Variants in TSPAN5 observed in about 807,000 individuals in gnomAD.
TSPAN5 encodes the protein tetraspanin 5, also known as tetraspanin-5.
A neutral mutation model predicts 37.1 loss-of-function variants in TSPAN5; 10 were observed. The ratio of observed to expected loss-of-function variants is 0.27; its 90% confidence interval spans 0.17 to 0.46. The LOEUF (loss-of-function observed/expected upper bound fraction) is 0.46. Among genes scored for constraint, TSPAN5 ranks in the 20% least tolerant of loss-of-function variants. TSPAN5 has a pLI of 1.00. For synonymous variants in TSPAN5, 110 were observed against 118.9 expected, an observed-to-expected ratio of 0.93 and a Z score of 0.48; for missense variants, 195 against 326.6, an observed-to-expected ratio of 0.60 and a Z score of 3.11.
At chr4:98,609,647 T>G (rs996039472) in intron 1 of TSPAN5, among the ~76,000 whole-genome samples, 3 of 152,148 alleles carry the variant, frequency 2.0e-5, no homozygotes, top group African/African-American at 7.2e-5. Flanking sequence ...TCCTTTGCAA[T>G]GTATTGAAGG....
chr4:98,590,824 GCTCA>G (rs1755615684), intron 1 of TSPAN5, among the ~76,000 whole-genome samples: 1 of 152,090 alleles, frequency 6.6e-6, no homozygotes, highest in African/African-American at 2.4e-5. Flanking sequence ...TCTATTATCA[GCTCA>G]CTAAGACCCC....
chr4:98,521,216 C>T (rs781184458), intron 1 of TSPAN5, among the ~76,000 whole-genome samples: 56 of 152,190 alleles, frequency 3.7e-4, no homozygotes, highest in Non-Finnish European at 7.8e-4. Context: ...AGGTGTGAGC[C>T]ACCTTATCAG....
At chr4:98,559,106 C>T (rs112475692) in intron 1 of TSPAN5, among the ~76,000 whole-genome samples, 75 of 150,478 alleles carry the variant, frequency 5.0e-4, no homozygotes, top group African/African-American at 1.7e-3. Context: ...AGTAAAACAC[C>T]GTGGGAAACA....
chr4:98,647,065 C>A (rs1008656272), intron 1 of TSPAN5, among the ~76,000 whole-genome samples: 3 of 152,170 alleles, frequency 2.0e-5, no homozygotes, highest in African/African-American at 7.2e-5. Flanking sequence ...TCCAGACACA[C>A]TCAAAGTCTA....
intron 1 of TSPAN5, among the ~76,000 whole-genome samples, chr4:98,581,615 T>C (rs1359487839): frequency 6.6e-6 from 1 of 152,228 alleles, no homozygotes; most frequent in Non-Finnish European, 1.5e-5. Context: ...CAAAACGGAT[T>C]AACTTTTTAT....
chr4:98,637,345 T>C (rs1756878669), intron 1 of TSPAN5, among the ~76,000 whole-genome samples: 1 of 152,170 alleles, frequency 6.6e-6, no homozygotes, highest in African/African-American at 2.4e-5. Flanking sequence ...CCACAGATAC[T>C]TCCCCATTAA....
intron 1 of TSPAN5, among the ~76,000 whole-genome samples, chr4:98,599,321 C>A (rs1755829064): frequency 6.6e-6 from 1 of 152,008 alleles, no homozygotes; most frequent in Non-Finnish European, 1.5e-5. Context: ...CATTTTTAAA[C>A]TGGTCTTTTC....
intron 2 of TSPAN5, among the ~76,000 whole-genome samples, chr4:98,495,002 A>C (rs1455745965): frequency 6.6e-6 from 1 of 152,214 alleles, no homozygotes; most frequent in Non-Finnish European, 1.5e-5. Context: ...GGTGCAGCAG[A>C]GAAGAAAGCA....
At chr4:98,549,466 G>A (rs1468410668) in intron 1 of TSPAN5, among the ~76,000 whole-genome samples, 1 of 151,638 alleles carries the variant, frequency 6.6e-6, no homozygotes, top group Non-Finnish European at 1.5e-5. Flanking sequence ...CCCAGCTAGT[G>A]TTTTTTGTAT....
At chr4:98,599,018 T>C (rs963049999) in intron 1 of TSPAN5, among the ~76,000 whole-genome samples, 4 of 152,144 alleles carry the variant, frequency 2.6e-5, no homozygotes, top group East Asian at 1.9e-4. Context: ...CTCCAAGAGC[T>C]TTCTGAAAAT....
chr4:98,642,592 T>C (rs1454535060), intron 1 of TSPAN5, among the ~76,000 whole-genome samples: 2 of 152,142 alleles, frequency 1.3e-5, no homozygotes, highest in Admixed American at 6.5e-5. Flanking sequence ...AGGTAGTTTC[T>C]CTTTTTTTTT....
intron 1 of TSPAN5, among the ~76,000 whole-genome samples, chr4:98,648,977 G>A (rs1364689329): frequency 1.3e-5 from 2 of 152,174 alleles, no homozygotes; most frequent in East Asian, 1.9e-4. Flanking sequence ...ATGCATAAAG[G>A]GGTGAAATAT....
chr4:98,481,081 G>C (rs946291767), intron 4 of TSPAN5, among the ~76,000 whole-genome samples: 8 of 151,982 alleles, frequency 5.3e-5, no homozygotes, highest in Admixed American at 1.3e-4. Context: ...AGACACCGCT[G>C]TCCAAGTCCA....
intron 1 of TSPAN5, among the ~76,000 whole-genome samples, chr4:98,511,448 AG>A: frequency 6.6e-6 from 1 of 152,356 alleles, no homozygotes; most frequent in South Asian, 2.1e-4. Flanking sequence ...TGAATACTGT[AG>A]GCAACTGTAA....
chr4:98,628,687 A>T (rs1403060259), intron 1 of TSPAN5, among the ~76,000 whole-genome samples: 1 of 152,076 alleles, frequency 6.6e-6, no homozygotes, highest in Non-Finnish European at 1.5e-5. Context: ...CATTCCCAGC[A>T]CCCTTAATGG....
intron 1 of TSPAN5, among the ~76,000 whole-genome samples, chr4:98,540,922 C>G (rs552252743): frequency 2.4e-4 from 36 of 152,336 alleles, no homozygotes; most frequent in African/African-American, 8.2e-4. Flanking sequence ...GGAAGAACTT[C>G]TAGCCAAGAA....
At position 98,622,683 on chromosome 4, in the gene TSPAN5, T is replaced by C. The variant is rs368149796; in HGVS notation, c.81+35463A>G. Among the ~76,000 whole-genome samples the C allele has an allele frequency of 2.6e-5, 4 of 152,336 alleles. No individual in the cohort carries two copies. In the South Asian group the frequency reaches 8.3e-4, roughly 32 times the overall value. ...GACTTTTAAAACATTCAAGAGGACA[T>C]GTCAGGTAGGACAGTCAGTCTGAGG... On this transcript the variant is annotated intron_variant, in intron 1 of 7. Coordinates refer to ENST00000305798, the MANE Select transcript of TSPAN5 (RefSeq NM_005723.4).
At chr4:98,501,520 G>A (rs904645743) in intron 2 of TSPAN5, among the ~76,000 whole-genome samples, 1 of 152,206 alleles carries the variant, frequency 6.6e-6, no homozygotes, top group East Asian at 1.9e-4. Context: ...GCATGAGAAG[G>A]AAAAACACAA....
intron 2 of TSPAN5, among the ~76,000 whole-genome samples, chr4:98,505,967 T>A (rs1753471100): frequency 6.6e-6 from 1 of 152,206 alleles, no homozygotes; most frequent in African/African-American, 2.4e-5. Flanking sequence ...GCTCTGATAT[T>A]TGTATGACAC....
Sources: gnomAD v4.1 joint callset for allele counts (sites outside exome capture counted in the v4.1 genomes callset) on GRCh38, gnomAD v4.1.1 for gene constraint, MANE v1.5 for transcripts, NCBI Gene and HGNC (gene_info 2026-07-23, HGNC 2026-07-21) for gene names.